Variants in FGF10 observed in about 807,000 individuals in gnomAD.
FGF10 encodes FGF-10.
FGF10 carries 2 observed loss-of-function variants against 19.8 expected under a neutral mutation model. The observed-to-expected ratio is 0.10, with a 90% CI of 0.04 to 0.32. The LOEUF (loss-of-function observed/expected upper bound fraction) is 0.32, where lower values mean the gene tolerates loss of function less well. Among genes scored for constraint, FGF10 ranks in the 10% least tolerant of loss-of-function variants. FGF10 has a pLI of 1.00. For synonymous variants in FGF10, 112 were observed against 94.0 expected, an observed-to-expected ratio of 1.19 and a Z score of -1.10; for missense variants, 191 against 246.3, an observed-to-expected ratio of 0.78 and a Z score of 1.50.
chr5:44,385,870 G>C (rs1486247193), intron 1 of FGF10, among the ~76,000 whole-genome samples: 4 of 152,108 alleles, frequency 2.6e-5, no homozygotes, highest in African/African-American at 9.7e-5. Context: ...TGAAATTAAG[G>C]CTTTTTCAAT....
intron 1 of FGF10, among the ~76,000 whole-genome samples, chr5:44,318,490 T>C (rs967984786): frequency 6.6e-6 from 1 of 152,172 alleles, no homozygotes; most frequent in African/African-American, 2.4e-5. Flanking sequence ...TCTATTCTTA[T>C]CTAATGCATT....
chr5:44,336,712 T>G lies in FGF10; in HGVS notation c.326-26182A>C, dbSNP rs545301447. ...ATGAAATAAAAATAGAATTTAGAAC[T>G]GTGGTAAGAATTAAATGAGATGATG... On this transcript the variant is annotated intron_variant, in intron 1 of 2. Coordinates refer to ENST00000264664, the MANE Select transcript of FGF10 (RefSeq NM_004465.2). Among the ~76,000 whole-genome samples the G allele has an allele frequency of 2.0e-5, 3 of 152,318 alleles. No individual in the cohort carries two copies. The East Asian group carries it at 5.8e-4, about 29-fold the overall frequency.
In FGF10 at chr5:44,302,391, C is replaced by T. The variant is rs1177635159; in HGVS notation, c.*2604G>A. ...TTCTCTCTTTCCTTTCTTTCTGGCT[C>T]TTTTTCACCCAGGCTGGAGTGCAAT... On this transcript the variant is annotated 3_prime_UTR_variant, in exon 3 of 3. Coordinates refer to ENST00000264664, the MANE Select transcript of FGF10 (RefSeq NM_004465.2). Among the ~76,000 whole-genome samples, 1 of 149,518 alleles carries T rather than the reference C, an allele frequency of 6.7e-6. No homozygotes were observed. The highest frequency in any genetic ancestry group is 1.5e-5 in the Non-Finnish European group (1 of 67,558).
intron 1 of FGF10, among the ~76,000 whole-genome samples, chr5:44,325,241 G>T (rs991668331): frequency 6.6e-6 from 1 of 152,096 alleles, no homozygotes; most frequent in Non-Finnish European, 1.5e-5. Context: ...AACAACAGGT[G>T]CTGGAGAGGA....
chr5:44,370,687 A>G (rs1018351818), intron 1 of FGF10, among the ~76,000 whole-genome samples: 2 of 152,138 alleles, frequency 1.3e-5, no homozygotes, highest in African/African-American at 4.8e-5. Context: ...ACAACAAAAC[A>G]TTTGTCTGCT....
At chr5:44,332,426 A>T (rs754455983) in intron 1 of FGF10, among the ~76,000 whole-genome samples, 1 of 152,124 alleles carries the variant, frequency 6.6e-6, no homozygotes, top group Non-Finnish European at 1.5e-5. Flanking sequence ...GAATTTCTCT[A>T]TGTAACCTGG....
chr5:44,369,254 C>T (rs953133468), intron 1 of FGF10, among the ~76,000 whole-genome samples: 1 of 152,056 alleles, frequency 6.6e-6, no homozygotes, highest in East Asian at 1.9e-4. Context: ...GAATTTCTCA[C>T]AATAGAGGAC....
intron 1 of FGF10, among the ~76,000 whole-genome samples, chr5:44,357,014 C>T (rs1056228849): frequency 6.6e-6 from 1 of 151,066 alleles, no homozygotes; most frequent in Admixed American, 6.6e-5. Context: ...GCTTCAACTG[C>T]CAAAACTGTT....
chr5:44,319,288 T>C (rs1305410516), intron 1 of FGF10, among the ~76,000 whole-genome samples: 1 of 152,216 alleles, frequency 6.6e-6, no homozygotes, highest in Non-Finnish European at 1.5e-5. Context: ...ATGATCAACA[T>C]GTTAATATAG....
At chr5:44,355,747 G>T (rs1741332098) in intron 1 of FGF10, among the ~76,000 whole-genome samples, 1 of 151,370 alleles carries the variant, frequency 6.6e-6, no homozygotes, top group Non-Finnish European at 1.5e-5. Flanking sequence ...GACTCTGCAG[G>T]AATATGCTGA....
At chr5:44,340,572 A>T (rs566125429) in intron 1 of FGF10, among the ~76,000 whole-genome samples, 53 of 152,202 alleles carry the variant, frequency 3.5e-4, no homozygotes, top group Admixed American at 1.8e-3. Context: ...TTATCAGTAT[A>T]ATTTTAATTT....
intron 1 of FGF10, among the ~76,000 whole-genome samples, chr5:44,311,757 C>A (rs142231861): frequency 6.6e-6 from 1 of 152,188 alleles, no homozygotes; most frequent in East Asian, 1.9e-4. Context: ...TTCCCATTGG[C>A]TTAATACATG....
intron 1 of FGF10, among the ~76,000 whole-genome samples, chr5:44,372,130 G>A (rs1178016814): frequency 6.6e-6 from 1 of 151,956 alleles, no homozygotes; most frequent in Non-Finnish European, 1.5e-5. Flanking sequence ...TGTTTCCCTC[G>A]GCTGAAATTA....
chr5:44,335,272 G>A (rs1740821236), intron 1 of FGF10, among the ~76,000 whole-genome samples: 1 of 152,002 alleles, frequency 6.6e-6, no homozygotes, highest in African/African-American at 2.4e-5. Context: ...GAGAAGAAAT[G>A]ACCTACTCTC....
intron 2 of FGF10, among the ~76,000 whole-genome samples, chr5:44,309,880 C>CAT (rs769759807): frequency 2.4e-4 from 36 of 151,678 alleles, no homozygotes; most frequent in East Asian, 1.4e-3. Context: ...ATATTTCCCA[C>CAT]ATATATATAT....
At chr5:44,344,521 T>A (rs1388437980) in intron 1 of FGF10, among the ~76,000 whole-genome samples, 3 of 147,264 alleles carry the variant, frequency 2.0e-5, no homozygotes, top group African/African-American at 7.5e-5. Context: ...AAAGTTAACC[T>A]TTTTTTTTTC....
intron 1 of FGF10, among the ~76,000 whole-genome samples, chr5:44,344,218 G>A (rs746296787): frequency 9.9e-5 from 15 of 151,942 alleles, no homozygotes; most frequent in Non-Finnish European, 1.8e-4. Flanking sequence ...CCAAGTCTGA[G>A]GCAAGCTGCT....
intron 1 of FGF10, among the ~76,000 whole-genome samples, chr5:44,368,476 T>G (rs371327103): frequency 6.6e-6 from 1 of 152,240 alleles, no homozygotes; most frequent in South Asian, 2.1e-4. Flanking sequence ...CACACTACTT[T>G]AGGTTGTTCA....
Position 44,384,329 on chromosome 5 carries a change from C to T in FGF10, c.325+4029G>A, listed in dbSNP as rs181533851. On this transcript the variant is annotated intron_variant, in intron 1 of 2. Transcript: ENST00000264664. ...TGTGTATCCATAAGCAATTATATTC[C>T]CAAATATCAAAAGAGAGAGTTTACC... is the stretch of plus-strand genomic sequence containing the variant. Among the ~76,000 whole-genome samples the T allele has an allele frequency of 5.3e-5, 8 of 152,046 alleles. No individual in the cohort carries two copies. The East Asian group carries it at 1.2e-3, about 22-fold the overall frequency.
Sources: gnomAD v4.1 joint callset for allele counts (sites outside exome capture counted in the v4.1 genomes callset) on GRCh38, gnomAD v4.1.1 for gene constraint, MANE v1.5 for transcripts, NCBI Gene and HGNC (gene_info 2026-07-23, HGNC 2026-07-21) for gene names.